The following ZMYM2 variants were observed in gnomAD, a reference collection of about 807,000 sequenced individuals.
ZMYM2 encodes zinc finger MYM-type protein 2.
In ZMYM2, 56 loss-of-function variants were observed where a neutral mutation model predicts 162.8. The observed-to-expected ratio is 0.34, with a 90% CI of 0.28 to 0.43. The LOEUF (loss-of-function observed/expected upper bound fraction) is 0.43. Among genes scored for constraint, ZMYM2 ranks in the 20% least tolerant of loss-of-function variants. ZMYM2 has a pLI of 1.00. For missense variants in ZMYM2, 1,275 were observed against 1,621.8 expected (o/e 0.79, Z 3.67); for synonymous variants, 510 against 541.6 (o/e 0.94, Z 0.81).
chr13:19,964,191 A>G (rs564765760), intron 2 of ZMYM2, among the ~76,000 whole-genome samples: 5 of 152,112 alleles, frequency 3.3e-5, no homozygotes, highest in Non-Finnish European at 2.9e-5. Flanking sequence ...AGCCTGGCCA[A>G]TGTGGTGAAA....
At chr13:19,920,848 T>C in the ZMYM2 span, among the ~76,000 whole-genome samples, 1 of 151,538 alleles carries the variant, frequency 6.6e-6, no homozygotes, top group South Asian at 2.1e-4. Flanking sequence ...CTGCAGCCTC[T>C]ACCTCCTGGA....
the ZMYM2 span, among the ~76,000 whole-genome samples, chr13:19,877,535 TC>T: frequency 2.0e-5 from 3 of 152,202 alleles, no homozygotes; most frequent in African/African-American, 4.8e-5. Context: ...CCCAGATACT[TC>T]CCACTAGGCT....
At chr13:19,942,830 G>A in the ZMYM2 span, among the ~76,000 whole-genome samples, 9 of 152,200 alleles carry the variant, frequency 5.9e-5, no homozygotes, top group Middle Eastern at 3.4e-3. Context: ...ATGGATGTAC[G>A]TGATGAGAAA....
chr13:20,082,157 G>T (rs960143009), intron 22 of ZMYM2, 27 bp downstream of exon 22: 2 of 1,476,466 alleles, frequency 1.4e-6, no homozygotes, highest in Non-Finnish European at 1.9e-6. Flanking sequence ...TAAAGGTGTT[G>T]CTCTCTTGAT....
chr13:19,960,270 C>A (rs969286423), intron 2 of ZMYM2, among the ~76,000 whole-genome samples: 2 of 152,218 alleles, frequency 1.3e-5, no homozygotes, highest in African/African-American at 4.8e-5. Flanking sequence ...AGACGACGGG[C>A]TTCTGCAGCT....
chr13:20,058,835 T>G, intron 15 of ZMYM2, 131 bp downstream of exon 15: 2 of 1,252,798 alleles, frequency 1.6e-6, no homozygotes, highest in Non-Finnish European at 2.3e-6. Flanking sequence ...TTGATTTTGC[T>G]TACGTAATTT....
intron 3 of ZMYM2, among the ~76,000 whole-genome samples, chr13:19,997,174 AT>A (rs1166106335): frequency 6.6e-6 from 1 of 152,064 alleles, no homozygotes; most frequent in African/African-American, 2.4e-5. Context: ...CCTCCACTGC[AT>A]TTTCTCATAC....
chr13:19,932,137 C>A, the ZMYM2 span, among the ~76,000 whole-genome samples: 3 of 152,122 alleles, frequency 2.0e-5, no homozygotes, highest in African/African-American at 7.2e-5. Flanking sequence ...TAGAAAAATT[C>A]TTTCTAAATA....
At chr13:20,052,007 C>T (rs377404278) in intron 13 of ZMYM2, among the ~76,000 whole-genome samples, 4 of 152,088 alleles carry the variant, frequency 2.6e-5, no homozygotes, top group African/African-American at 9.6e-5. Flanking sequence ...AAAAAAATAT[C>T]ATTTAAGATA....
chr13:19,957,388 A>T (rs1038654612), upstream of ZMYM2, among the ~76,000 whole-genome samples: 9 of 152,252 alleles, frequency 5.9e-5, no homozygotes, highest in African/African-American at 1.2e-4. Context: ...CAACATCCTC[A>T]GTTGTAATCC....
chr13:20,057,064 G>A (rs539374395), intron 14 of ZMYM2, among the ~76,000 whole-genome samples: 14 of 152,222 alleles, frequency 9.2e-5, no homozygotes, highest in Non-Finnish European at 1.9e-4. Flanking sequence ...CACACATTCT[G>A]CAGCTCCATC....
At chr13:19,989,530 C>T (rs749484526) in intron 2 of ZMYM2, among the ~76,000 whole-genome samples, 8 of 152,210 alleles carry the variant, frequency 5.3e-5, no homozygotes, top group South Asian at 2.1e-4. Context: ...TCTCTAACTC[C>T]GGACCTCAAG....
intron 2 of ZMYM2, among the ~76,000 whole-genome samples, chr13:19,974,957 C>T (rs1956655771): frequency 6.6e-6 from 1 of 151,894 alleles, no homozygotes; most frequent in South Asian, 2.1e-4. Context: ...AATTGGTGGC[C>T]TTTCAGAATT....
chr13:19,887,428 C>G, the ZMYM2 span, among the ~76,000 whole-genome samples: 1 of 151,298 alleles, frequency 6.6e-6, no homozygotes, highest in African/African-American at 2.4e-5. Flanking sequence ...ACATGGGAGG[C>G]TGAGGCAGGA....
intron 21 of ZMYM2, among the ~76,000 whole-genome samples, chr13:20,076,401 T>C (rs1957506991): frequency 6.6e-6 from 1 of 150,532 alleles, no homozygotes; most frequent in Non-Finnish European, 1.5e-5. Context: ...CCAGAAGGGG[T>C]ATTATTGGAT....
chr13:20,067,072 G>A (rs1033389019), intron 20 of ZMYM2, 53 bp downstream of exon 20: 1 of 1,504,388 alleles, frequency 6.6e-7, no homozygotes. Context: ...CAAGATTTCT[G>A]TTATTGAGTA....
Position 20,081,531 on chromosome 13 carries a change from AAGTC to A in ZMYM2, c.3454-482_3454-479del, listed in dbSNP as rs574574721. On this transcript the variant is annotated intron_variant, in intron 21 of 24. Transcript: ENST00000610343. ...ATAAGAAAAAAGCGTTAGCCTGACA[AAGTC>A]AGAGTGCTAGAAGAGAGCTTTCAAT... Among the ~76,000 whole-genome samples the A allele has an allele frequency of 2.9e-3, 444 of 152,122 alleles. 3 individuals carry two copies. The highest frequency in any genetic ancestry group is 7.9e-3 in the African/African-American group (326 of 41,386).
chr13:20,063,435 G>A (rs1242146587), intron 18 of ZMYM2, among the ~76,000 whole-genome samples: 1 of 149,184 alleles, frequency 6.7e-6, no homozygotes, highest in African/African-American at 2.5e-5. Context: ...AATTCTAGAA[G>A]TAATTCATTA....
intron 12 of ZMYM2, among the ~76,000 whole-genome samples, chr13:20,046,871 T>C (rs1954881188): frequency 6.6e-6 from 1 of 151,982 alleles, no homozygotes. Context: ...AATTCAGTGA[T>C]GAGGATTTAA....
Sources: allele counts gnomAD v4.1 joint callset (sites outside exome capture counted in the v4.1 genomes callset), GRCh38; gene constraint gnomAD v4.1.1; transcripts MANE v1.5; gene names NCBI Gene and HGNC (gene_info 2026-07-23, HGNC 2026-07-21).